PRSS12: variants seen among roughly 807,000 people sequenced by gnomAD.
PRSS12 encodes the protein serine protease 12, also known as neurotrypsin.
In PRSS12, 85 loss-of-function variants were observed where a neutral mutation model predicts 104.4. The ratio of observed to expected loss-of-function variants is 0.81; its 90% CI spans 0.68 to 0.98. PRSS12 has a LOEUF of 0.98. Among genes scored for constraint, PRSS12 ranks in the 50% least tolerant of loss-of-function variants. The pLI is 0.00. For synonymous variants in PRSS12, 454 were observed against 425.2 expected (o/e 1.07, Z -0.83); for missense variants, 1,141 against 1,139.2 (o/e 1.00, Z -0.02).
At position 118,352,871 on chromosome 4, in the gene PRSS12, T is replaced by C; in HGVS notation, c.-151A>G. 1 of 1,424,480 alleles carries C rather than the reference T, an allele frequency of 7.0e-7. No individual in the cohort carries two copies. Among genetic ancestry groups the C allele is most frequent in the South Asian group, 1.5e-5 (1 of 68,578 alleles). The allele number at this position is 1,424,480 out of a possible 1,614,324, so 88.2% of individuals were successfully genotyped here. On this transcript the variant is annotated 5_prime_UTR_variant, in exon 1 of 13. Transcript: ENST00000296498. ...GCGGACCGCCCTCGCCTCCCCAACC[T>C]TGCCTCCCGCCGCTGGTGCCCTGCC...
chr4:118,299,764 T>TAAAA (rs1473573040), intron 8 of PRSS12, among the ~76,000 whole-genome samples: 5,296 of 81,930 alleles, frequency 0.065, 398 homozygotes, highest in African/African-American at 0.14. Context: ...ATAAATAAAA[T>TAAAA]TAAATAAAAT....
At chr4:118,283,244 A>G (rs575216384) in intron 11 of PRSS12, 133 bp from the exon 12 acceptor site, 10 of 1,116,212 alleles carry the variant, frequency 9.0e-6, no homozygotes, top group South Asian at 3.9e-5. Context: ...CTTTCTTTCC[A>G]TTTATCTGAC....
intron 4 of PRSS12, 151 bp downstream of exon 4, chr4:118,331,565 C>T: frequency 2.9e-6 from 3 of 1,028,998 alleles, no homozygotes; most frequent in Admixed American, 4.2e-5. Context: ...AACTGCTCTT[C>T]AGGAAGCCTA....
At chr4:118,300,137 A>C (rs972287251) in intron 8 of PRSS12, among the ~76,000 whole-genome samples, 2 of 151,974 alleles carry the variant, frequency 1.3e-5, no homozygotes, top group African/African-American at 2.4e-5. Context: ...CATCCCCCCA[A>C]GTAGCTGGGA....
chr4:118,294,214 G>T (rs1261389199), intron 11 of PRSS12, among the ~76,000 whole-genome samples: 3 of 152,126 alleles, frequency 2.0e-5, no homozygotes, highest in African/African-American at 7.2e-5. Flanking sequence ...ATAGTACAAT[G>T]AAACTCTGTA....
chr4:118,319,210 C>A (rs1415041023), intron 4 of PRSS12, among the ~76,000 whole-genome samples: 1 of 152,110 alleles, frequency 6.6e-6, no homozygotes, highest in Non-Finnish European at 1.5e-5. Flanking sequence ...CAGGTATATG[C>A]CACCACACCT....
At chr4:118,290,477 A>G (rs1743103744) in intron 11 of PRSS12, among the ~76,000 whole-genome samples, 1 of 152,170 alleles carries the variant, frequency 6.6e-6, no homozygotes, top group African/African-American at 2.4e-5. Flanking sequence ...ATTCTTCTCC[A>G]TTAGTAAGTG....
chr4:118,299,408 C>T (rs34082100), intron 8 of PRSS12, among the ~76,000 whole-genome samples: 9,304 of 152,218 alleles, frequency 0.061, 387 homozygotes, highest in Non-Finnish European at 0.093. Flanking sequence ...AGGCCGGGCA[C>T]GTTGGCTCAT....
chr4:118,308,318 G>C (rs1743609211), intron 8 of PRSS12, 118 bp downstream of exon 8: 2 of 1,358,590 alleles, frequency 1.5e-6, no homozygotes, highest in Non-Finnish European at 2.1e-6. Flanking sequence ...TATGCTGCCA[G>C]TATTTTCAAA....
chr4:118,285,046 G>C (rs1742984048), intron 11 of PRSS12, among the ~76,000 whole-genome samples: 1 of 152,028 alleles, frequency 6.6e-6, no homozygotes, highest in South Asian at 2.1e-4. Flanking sequence ...TCCTTAAGTA[G>C]GGCTCTGACC....
chr4:118,309,370 G>A (rs1000947107), intron 7 of PRSS12, among the ~76,000 whole-genome samples: 12 of 152,110 alleles, frequency 7.9e-5, no homozygotes, highest in Admixed American at 4.6e-4. Flanking sequence ...AATCAAATAC[G>A]TTGGTATTCC....
In PRSS12 at chr4:118,281,984, G is replaced by C. The variant is rs745984674; in HGVS notation, c.2580C>G (p.Thr860=). ...CGVKDSPGVY[T]KVSAFVPWIK... ...TCCAAGGTACAAAGGCTGAGACTTT[G>C]GTATAAACACCAGGAGAATCCTTGA... is the stretch of plus-strand genomic sequence containing the variant. The change falls in exon 13 of 13, where the codon ACC becomes ACG. Residue 860 remains threonine (T), a synonymous_variant. Coordinates refer to ENST00000296498, the MANE Select transcript of PRSS12 (RefSeq NM_003619.4). 1 of 1,526,004 alleles carries C rather than the reference G, an allele frequency of 6.6e-7. No homozygotes were observed. The highest frequency in any genetic ancestry group is 2.3e-5 in the East Asian group (1 of 44,432). The allele number at this position is 1,526,004 out of a possible 1,614,324, so 94.5% of individuals were successfully genotyped here. A position where few individuals can be genotyped will look rare whatever the true frequency, so the allele number is the denominator to read the frequency against.
At chr4:118,293,208 A>T (rs992778938) in intron 11 of PRSS12, among the ~76,000 whole-genome samples, 6 of 151,854 alleles carry the variant, frequency 4.0e-5, no homozygotes, top group East Asian at 1.9e-4. Context: ...AATATTTAAT[A>T]AAAAAATGCT....
chr4:118,315,472 A>T (rs1465406675), intron 6 of PRSS12, among the ~76,000 whole-genome samples: 1 of 152,146 alleles, frequency 6.6e-6, no homozygotes, highest in East Asian at 1.9e-4. Context: ...AAATGAAACA[A>T]TTTTGCCAGT....
At position 118,313,327 on chromosome 4, in the gene PRSS12, A is replaced by G. The variant is rs376308511; in HGVS notation, c.1363T>C (p.Cys455Arg). 34 of 1,614,166 alleles carry G rather than the reference A, an allele frequency of 2.1e-5. No homozygotes were observed. The African/African-American group carries it at 4.5e-4, about 22-fold the overall frequency. Residue 455 changes from cysteine to arginine, a missense_variant, in exon 7 of 13, where the codon TGC becomes CGC. Physicochemically the swap from Cys to Arg is radical, Grantham distance 180 (BLOSUM62 -3). Transcript: ENST00000296498. ...AGAAATCTGGTTTCCTTTCCTGAGC[A>G]GCTGACGTCATCCAACCATATGGGC... ...TGPIWLDDVS[C>R]SGKETRFLQC...
chr4:118,328,093 T>C (rs1039263918), intron 4 of PRSS12, among the ~76,000 whole-genome samples: 1 of 152,172 alleles, frequency 6.6e-6, no homozygotes, highest in Admixed American at 6.5e-5. Context: ...ATCAATCCTG[T>C]GCCATTAAAA....
At chr4:118,346,976 T>TGC (rs1724371855) in intron 1 of PRSS12, among the ~76,000 whole-genome samples, 1 of 151,720 alleles carries the variant, frequency 6.6e-6, no homozygotes, top group Non-Finnish European at 1.5e-5. Context: ...CATGCACACA[T>TGC]GCACACACAC....
At chr4:118,294,000 T>C (rs966865424) in intron 11 of PRSS12, among the ~76,000 whole-genome samples, 4 of 152,222 alleles carry the variant, frequency 2.6e-5, no homozygotes, top group African/African-American at 7.2e-5. Context: ...AGTCTTTCAA[T>C]AGCAGTTAAA....
At chr4:118,330,271 G>C (rs1723884650) in intron 4 of PRSS12, among the ~76,000 whole-genome samples, 1 of 152,062 alleles carries the variant, frequency 6.6e-6, no homozygotes, top group African/African-American at 2.4e-5. Context: ...CATGACTCCT[G>C]GTGAAATGCA....
Sources: allele counts gnomAD v4.1 joint callset (sites outside exome capture counted in the v4.1 genomes callset), GRCh38; gene constraint gnomAD v4.1.1; transcripts MANE v1.5; gene names NCBI Gene and HGNC (gene_info 2026-07-23, HGNC 2026-07-21).